TTC12: variants seen among roughly 807,000 people sequenced by gnomAD.
The protein encoded by TTC12 is tetratricopeptide repeat protein 12.
In TTC12, 70 loss-of-function variants were observed where a neutral mutation model predicts 90.1. That is an observed-to-expected ratio of 0.78 (90% CI 0.64 to 0.95). The LOEUF (loss-of-function observed/expected upper bound fraction) is 0.95. TTC12 is among the 40% of genes least tolerant of loss of function. The pLI is 0.00. For synonymous variants in TTC12, 296 were observed against 311.5 expected (o/e 0.95, Z 0.53); for missense variants, 819 against 846.1 (o/e 0.97, Z 0.40).
chr11:113,314,665 G>A (rs899613332), intron 1 of TTC12, 47 bp downstream of exon 1: 2 of 153,278 alleles, frequency 1.3e-5, no homozygotes, highest in African/African-American at 2.4e-5. Context: ...AGCTGGTCCT[G>A]CACTGGCCTT....
chr11:113,368,626 C>T (rs778713927), downstream of TTC12: 28 of 907,768 alleles, frequency 3.1e-5, no homozygotes, highest in Middle Eastern at 3.1e-4. Context: ...GACGTGAGGA[C>T]GGTGGTTCCA....
At chr11:113,324,815 G>A (rs1184414262) in intron 5 of TTC12, 133 bp downstream of exon 5, 1 of 703,608 alleles carries the variant, frequency 1.4e-6, no homozygotes, top group African/African-American at 1.8e-5. Flanking sequence ...GAGGCAGTGG[G>A]ACCTGGCCAG....
intron 13 of TTC12, among the ~76,000 whole-genome samples, chr11:113,347,749 G>C (rs182990543): frequency 3.9e-5 from 6 of 152,258 alleles, no homozygotes; most frequent in African/African-American, 1.4e-4. Flanking sequence ...ACCACTCCTA[G>C]AATAAGTGGC....
At position 113,324,585 on chromosome 11, in the gene TTC12, T is replaced by C; in HGVS notation, c.245-20T>C. The C allele has an allele frequency of 1.9e-6, 3 of 1,604,868 alleles. No homozygotes were observed. The highest frequency in any genetic ancestry group is 2.2e-5 in the East Asian group (1 of 44,840). ...TATTTGGATTTTTCTTTTTAATATC[T>C]GAAATTACCCTGCTGTCAGAGGCCT... is the stretch of plus-strand genomic sequence containing the variant. On this transcript the variant is annotated intron_variant, in intron 4 of 21. Coordinates refer to ENST00000529221, the MANE Select transcript of TTC12 (RefSeq NM_017868.4).
At chr11:113,338,665 A>G in intron 8 of TTC12, 109 bp from the exon 9 acceptor site, 1 of 761,890 alleles carries the variant, frequency 1.3e-6, no homozygotes, top group Non-Finnish European at 2.2e-6. Flanking sequence ...TGGGAGCAGG[A>G]GGAGGTGAGG....
Position 113,320,637 on chromosome 11 carries a change from CAA to C in TTC12, c.59-2647_59-2646del, listed in dbSNP as rs1489547183. On this transcript the variant is annotated intron_variant, in intron 2 of 21. Coordinates refer to ENST00000529221, the MANE Select transcript of TTC12 (RefSeq NM_017868.4). ...GGATGCTGGGCAAGAGCTCGGGATA[CAA>C]AAAGCTGTCACTTCCCTCTGCCCTT... Among the ~76,000 whole-genome samples, 25 of 152,306 alleles carry C rather than the reference CAA, an allele frequency of 1.6e-4. 1 individual carries two copies. In the East Asian group the frequency reaches 4.6e-3, roughly 28 times the overall value.
At chr11:113,332,794 TC>T (rs1555142936) in intron 7 of TTC12, among the ~76,000 whole-genome samples, 1 of 152,178 alleles carries the variant, frequency 6.6e-6, no homozygotes, top group East Asian at 1.9e-4. Flanking sequence ...AGCCAACTCT[TC>T]ATCTTCTCAC....
At chr11:113,364,313 T>C (rs1426817724) in intron 20 of TTC12, 10 of 223,216 alleles carry the variant, frequency 4.5e-5, no homozygotes, top group Non-Finnish European at 9.0e-5. Flanking sequence ...TTAAACCGGC[T>C]GTAGTTATTC....
At position 113,324,672 on chromosome 11, in the gene TTC12, C is replaced by G; in HGVS notation, c.312C>G (p.Val104=). 2 of 1,613,722 alleles carry G rather than the reference C, an allele frequency of 1.2e-6. No homozygotes were observed. The highest frequency in any genetic ancestry group is 1.1e-5 in the South Asian group (1 of 90,984). Residue 104 remains valine, a synonymous_variant, in exon 5 of 22, where the codon GTC becomes GTG. Coordinates refer to ENST00000529221, the MANE Select transcript of TTC12 (RefSeq NM_017868.4). ...ERAKRRRENK[V]LADALKEKGN... ...CCAAGAGAAGAAGGGAAAACAAAGTCTTGGCGGATGGTAATTGTCAGTCCT... is the reference window on the plus strand; with the variant it reads ...CCAAGAGAAGAAGGGAAAACAAAGTGTTGGCGGATGGTAATTGTCAGTCCT...
chr11:113,331,233 A>G (rs1485842092), intron 7 of TTC12, among the ~76,000 whole-genome samples: 1 of 152,184 alleles, frequency 6.6e-6, no homozygotes, highest in African/African-American at 2.4e-5. Context: ...TGATGACGTC[A>G]AGCTCCTCAC....
At chr11:113,335,646 C>G (rs1408013611) in intron 8 of TTC12, among the ~76,000 whole-genome samples, 1 of 152,100 alleles carries the variant, frequency 6.6e-6, no homozygotes, top group African/African-American at 2.4e-5. Flanking sequence ...TACATTTGCC[C>G]GTTCTGTAGA....
chr11:113,332,160 C>G (rs1445264377), intron 7 of TTC12, among the ~76,000 whole-genome samples: 1 of 152,226 alleles, frequency 6.6e-6, no homozygotes, highest in South Asian at 2.1e-4. Flanking sequence ...GGACCAGAAT[C>G]ATTTCTTTCT....
In TTC12 at chr11:113,324,801, G is replaced by C. The variant is rs1947582968; in HGVS notation, c.322+119G>C. On this transcript the variant is annotated intron_variant, in intron 5 of 21. Transcript: ENST00000529221. ...TTCCCAGTGGTGAGGTTTGTGATGG[G>C]CTTGAGGCAGTGGGACCTGGCCAGA... 6 of 823,306 alleles carry C rather than the reference G, an allele frequency of 7.3e-6. No homozygotes were observed. The Admixed American group carries it at 9.9e-5, about 14-fold the overall frequency. 51.0% of individuals were successfully genotyped at this position (823,306 alleles called of 1,614,324 possible).
rs146056471 is a variant in TTC12 at position 113,324,974 on chromosome 11, G to A, written c.322+292G>A. On this transcript the variant is annotated intron_variant, in intron 5 of 21. Coordinates refer to ENST00000529221, the MANE Select transcript of TTC12 (RefSeq NM_017868.4). ...TACTAAACAATGCTCAGGAAGTAGTGGGGGGTGAGAGTGAGCTGCCACTGG... is the reference window on the plus strand; with the variant it reads ...TACTAAACAATGCTCAGGAAGTAGTAGGGGGTGAGAGTGAGCTGCCACTGG... Among the ~76,000 whole-genome samples, 86 of 152,274 alleles carry A rather than the reference G, an allele frequency of 5.6e-4. No homozygotes were observed. In the East Asian group the frequency reaches 0.016, roughly 28 times the overall value.
chr11:113,327,930 C>T (rs967698305), intron 6 of TTC12, among the ~76,000 whole-genome samples: 13 of 152,306 alleles, frequency 8.5e-5, no homozygotes, highest in Admixed American at 2.6e-4. Context: ...GAGCCAAGAG[C>T]GGCATGATTT....
downstream of TTC12, chr11:113,368,539 A>T (rs1203090012): frequency 6.6e-7 from 1 of 1,517,464 alleles, no homozygotes; most frequent in Non-Finnish European, 9.0e-7. Flanking sequence ...CCGGGATGGA[A>T]CTCCATCACC....
chr11:113,325,805 CA>C, intron 6 of TTC12, 160 bp downstream of exon 6: 1 of 859,162 alleles, frequency 1.2e-6, no homozygotes, highest in Non-Finnish European at 1.7e-6. Flanking sequence ...CAGCATTTAC[CA>C]GTTTCCATGA....
chr11:113,342,031 T>C (rs1555146345), intron 12 of TTC12, 106 bp downstream of exon 12: 9 of 960,588 alleles, frequency 9.4e-6, no homozygotes. Context: ...AAAGCTGATG[T>C]CTAGACTTCC....
rs143340523 is a variant in TTC12 at position 113,365,066 on chromosome 11, C to G, written c.2042+6C>G. 3,623 of 1,612,136 alleles carry G rather than the reference C, an allele frequency of 2.2e-3. 10 individuals are homozygous for G. Among genetic ancestry groups the G allele is most frequent in the Non-Finnish European group, 2.8e-3 (3,272 of 1,178,582 alleles). ...CTGTGCACAGCTGAGCCCAGGTATG[C>G]TGTGGACACGGAGCCAGGCTGACCT... On this transcript the variant is annotated splice_donor_region_variant and intron_variant, in intron 21 of 21. Transcript: ENST00000529221.
Sources: gnomAD v4.1 joint callset for allele counts (sites outside exome capture counted in the v4.1 genomes callset) on GRCh38, gnomAD v4.1.1 for gene constraint, MANE v1.5 for transcripts, NCBI Gene and HGNC (gene_info 2026-07-23, HGNC 2026-07-21) for gene names.